The following FGF14 variants were observed in gnomAD, a reference collection of about 807,000 sequenced individuals.
FGF14 encodes the protein fibroblast growth factor homologous factor 4.
Under a neutral mutation model 25.5 loss-of-function variants are expected in FGF14, and 5 were observed. The observed-to-expected ratio is 0.20, with a 90% confidence interval of 0.10 to 0.41. The LOEUF is 0.41. FGF14 is among the 10% of genes least tolerant of loss of function. The probability of loss-of-function intolerance (pLI) is 1.00; values close to 1 mark genes in which losing one functional copy is unlikely to be tolerated. For synonymous variants in FGF14, 138 were observed against 118.3 expected (o/e 1.17, Z -1.08); for missense variants, 222 against 320.1 (o/e 0.69, Z 2.34).
chr13:102,170,795 T>C (rs961755876), intron 1 of FGF14, among the ~76,000 whole-genome samples: 1 of 152,216 alleles, frequency 6.6e-6, no homozygotes, highest in Non-Finnish European at 1.5e-5. Flanking sequence ...GGACTGTTTT[T>C]CTTCTATGTT....
intron 1 of FGF14, among the ~76,000 whole-genome samples, chr13:102,025,369 A>G (rs116813618): frequency 3.3e-5 from 5 of 152,106 alleles, no homozygotes; most frequent in African/African-American, 1.2e-4. Context: ...TAGGCATTAT[A>G]TAATTTATTT....
chr13:102,359,005 C>A (rs559986503), intron 1 of FGF14, among the ~76,000 whole-genome samples: 1 of 152,114 alleles, frequency 6.6e-6, no homozygotes, highest in Admixed American at 6.6e-5. Flanking sequence ...GGAATGAGAT[C>A]ATGTCCTTTG....
chr13:102,167,312 C>CAAAAAAAAAAA (rs10689114), intron 1 of FGF14, among the ~76,000 whole-genome samples: 2 of 72,778 alleles, frequency 2.7e-5, no homozygotes, highest in African/African-American at 5.3e-5. Flanking sequence ...CACTCCATCT[C>CAAAAAAAAAAA]AAAAAAAAAA....
At chr13:102,307,213 A>G (rs1392542239) in intron 1 of FGF14, among the ~76,000 whole-genome samples, 1 of 152,154 alleles carries the variant, frequency 6.6e-6, no homozygotes, top group Non-Finnish European at 1.5e-5. Context: ...CCATGACCAT[A>G]TGGAACCTAA....
chr13:102,271,188 A>C lies in FGF14; in HGVS notation c.208+130283T>G, dbSNP rs865926457. 5.9e-5 allele frequency among the ~76,000 whole-genome samples: 9 copies of C among 152,276 alleles called. 1 individual carries two copies. Among genetic ancestry groups the C allele is most frequent in the Middle Eastern group, 6.8e-3 (2 of 294 alleles). ...ATATTACGATATACAGTTTTTGGTTAATTTGGTGTCTAGTGAAATTTTTCT... is the reference window on the plus strand; with the variant it reads ...ATATTACGATATACAGTTTTTGGTTCATTTGGTGTCTAGTGAAATTTTTCT... On this transcript the variant is annotated intron_variant, in intron 1 of 4. Coordinates refer to the FGF14 transcript ENST00000376131.
intron 1 of FGF14, among the ~76,000 whole-genome samples, chr13:101,906,838 AAAG>A (rs1374316774): frequency 9.2e-5 from 14 of 152,288 alleles, no homozygotes; most frequent in African/African-American, 3.4e-4. Flanking sequence ...ATAGGTAGGT[AAAG>A]AAGAGGTAGA....
At chr13:101,772,139 A>G (rs892433901) in intron 3 of FGF14, among the ~76,000 whole-genome samples, 16 of 152,082 alleles carry the variant, frequency 1.1e-4, no homozygotes, top group Non-Finnish European at 2.9e-5. Context: ...GTTATGTCAC[A>G]TATACATTAT....
At chr13:102,055,352 T>G (rs1165236347) in intron 1 of FGF14, among the ~76,000 whole-genome samples, 1 of 152,238 alleles carries the variant, frequency 6.6e-6, no homozygotes, top group Non-Finnish European at 1.5e-5. Flanking sequence ...TGTGAAACGT[T>G]TATTGCTTTC....
At chr13:102,349,102 G>A (rs1457149894) in intron 1 of FGF14, among the ~76,000 whole-genome samples, 2 of 152,182 alleles carry the variant, frequency 1.3e-5, no homozygotes, top group East Asian at 3.9e-4. Flanking sequence ...GGGCAGAGAT[G>A]CTGCTAAACA....
intron 1 of FGF14, among the ~76,000 whole-genome samples, chr13:102,254,158 A>T (rs561941693): frequency 4.1e-4 from 63 of 152,354 alleles, no homozygotes; most frequent in African/African-American, 1.5e-3. Flanking sequence ...ACAACCTTAA[A>T]CAATCCCAAA....
chr13:101,798,577 T>C (rs1352135789), intron 3 of FGF14, among the ~76,000 whole-genome samples: 2 of 151,914 alleles, frequency 1.3e-5, no homozygotes, highest in African/African-American at 4.8e-5. Flanking sequence ...TTTTGGTGGG[T>C]GGGGTTGGGG....
chr13:102,324,187 G>A (rs2056345511), intron 1 of FGF14, among the ~76,000 whole-genome samples: 1 of 152,060 alleles, frequency 6.6e-6, no homozygotes, highest in Non-Finnish European at 1.5e-5. Context: ...AGATAAAAGT[G>A]GAAAGAAGCG....
intron 1 of FGF14, among the ~76,000 whole-genome samples, chr13:102,152,799 T>G (rs2047146486): frequency 6.6e-6 from 1 of 152,242 alleles, no homozygotes; most frequent in Non-Finnish European, 1.5e-5. Context: ...AGCTTACCTT[T>G]GTGCAGTGAT....
chr13:101,812,069 G>A (rs9557740), intron 3 of FGF14, among the ~76,000 whole-genome samples: 27,130 of 152,048 alleles, frequency 0.18, 2,565 homozygotes, highest in Admixed American at 0.22. Flanking sequence ...TGAACAGTTA[G>A]AAGACTTCTG....
intron 1 of FGF14, among the ~76,000 whole-genome samples, chr13:102,206,023 A>G (rs1193695416): frequency 9.5e-6 from 1 of 104,878 alleles, no homozygotes; most frequent in East Asian, 2.3e-4. Context: ...AAAAAAAAAA[A>G]AAAAAAAAAA....
At chr13:101,746,052 G>A (rs1320412943) in intron 3 of FGF14, among the ~76,000 whole-genome samples, 1 of 151,982 alleles carries the variant, frequency 6.6e-6, no homozygotes, top group African/African-American at 2.4e-5. Context: ...AATATGTATG[G>A]TTAATATGTA....
At position 101,999,056 on chromosome 13, in the gene FGF14, A is replaced by G. The variant is rs190184787; in HGVS notation, c.209-123760T>C. On this transcript the variant is annotated intron_variant, in intron 1 of 4. Transcript: ENST00000376131. ...GCTTCTCAGAATCTCCAAGTGAAAAACCAAATGCTAAGACTAGGGAGAGGC... is the reference window on the plus strand; with the variant it reads ...GCTTCTCAGAATCTCCAAGTGAAAAGCCAAATGCTAAGACTAGGGAGAGGC... 4.0e-3 allele frequency among the ~76,000 whole-genome samples: 615 copies of G among 152,300 alleles called. 4 individuals carry two copies. Among genetic ancestry groups the G allele is most frequent in the Middle Eastern group, 3.4e-3 (1 of 294 alleles).
chr13:102,244,981 C>A (rs2051791497), intron 1 of FGF14, among the ~76,000 whole-genome samples: 1 of 152,076 alleles, frequency 6.6e-6, no homozygotes, highest in Non-Finnish European at 1.5e-5. Flanking sequence ...AATATGGAAA[C>A]TACTAACTAC....
chr13:102,362,919 T>G (rs1236059510), intron 1 of FGF14, among the ~76,000 whole-genome samples: 1 of 152,184 alleles, frequency 6.6e-6, no homozygotes, highest in African/African-American at 2.4e-5. Flanking sequence ...ACTTACATGT[T>G]AATTAAATCC....
Sources: allele counts gnomAD v4.1 joint callset (sites outside exome capture counted in the v4.1 genomes callset), GRCh38; gene constraint gnomAD v4.1.1; transcripts MANE v1.5; gene names NCBI Gene and HGNC (gene_info 2026-07-23, HGNC 2026-07-21).